Variants in PCDHA3 observed in about 807,000 individuals in gnomAD.
The protein encoded by PCDHA3 is protocadherin alpha-3.
PCDHA3 carries 41 observed loss-of-function variants against 62.2 expected under a neutral mutation model. The ratio of observed to expected loss-of-function variants is 0.66; its 90% CI spans 0.51 to 0.86. The LOEUF (loss-of-function observed/expected upper bound fraction) is 0.86. PCDHA3 is among the 40% of genes least tolerant of loss of function. The pLI is 0.00. For missense variants in PCDHA3, 1,304 were observed against 1,241.2 expected (o/e 1.05, Z -0.76); for synonymous variants, 640 against 555.4 (o/e 1.15, Z -2.14).
intron 1 of PCDHA3, chr5:140,849,616 T>G: frequency 6.3e-7 from 1 of 1,598,694 alleles, no homozygotes; most frequent in South Asian, 1.1e-5. Context: ...CTGATTAGTG[T>G]GATCGACCTA....
chr5:140,842,431 C>T (rs2150335989), intron 1 of PCDHA3: 4 of 1,613,646 alleles, frequency 2.5e-6, no homozygotes, highest in Non-Finnish European at 3.4e-6. Context: ...CTGTCATCGC[C>T]CTAATTAGCG....
At chr5:140,966,654 T>G (rs1048894569) in intron 1 of PCDHA3, 2 of 1,185,100 alleles carry the variant, frequency 1.7e-6, no homozygotes, top group Non-Finnish European at 2.2e-6. Flanking sequence ...GCGTGAGCGG[T>G]GGGGGAGCAG....
intron 1 of PCDHA3, chr5:140,858,416 G>A (rs1301119075): frequency 6.4e-7 from 1 of 1,560,804 alleles, no homozygotes; most frequent in African/African-American, 1.4e-5. Context: ...TCAGTCTATT[G>A]GAGGGGACCA....
intron 1 of PCDHA3, chr5:140,842,623 G>A (rs1778148921): frequency 4.4e-6 from 7 of 1,579,148 alleles, no homozygotes; most frequent in Middle Eastern, 1.7e-4. Flanking sequence ...GCTCGCCTTC[G>A]CTGTGGGCCA....
At chr5:140,922,866 GA>G (rs557650266) in intron 1 of PCDHA3, among the ~76,000 whole-genome samples, 2 of 152,096 alleles carry the variant, frequency 1.3e-5, no homozygotes, top group Non-Finnish European at 2.9e-5. Flanking sequence ...TAGACAAGGG[GA>G]AAAAATCCAA....
chr5:140,898,593 C>A (rs1236439193), intron 1 of PCDHA3, among the ~76,000 whole-genome samples: 13 of 152,146 alleles, frequency 8.5e-5, no homozygotes, highest in Admixed American at 1.3e-4. Flanking sequence ...GTTACTGTAG[C>A]CTTGTAGTAT....
intron 1 of PCDHA3, chr5:140,854,190 A>T: frequency 1.5e-6 from 1 of 648,854 alleles, no homozygotes; most frequent in Non-Finnish European, 1.9e-6. Flanking sequence ...TAGTTTAACT[A>T]CTCCCTACTT....
chr5:140,880,851 A>T lies in PCDHA3; in HGVS notation c.2394+77260A>T, dbSNP rs577713176. 2.0e-5 allele frequency among the ~76,000 whole-genome samples: 3 copies of T among 152,322 alleles called. No individual in the cohort carries two copies. In the South Asian group the frequency reaches 6.2e-4, roughly 32 times the overall value. On this transcript the variant is annotated intron_variant, in intron 1 of 3. Coordinates refer to ENST00000522353, the MANE Select transcript of PCDHA3 (RefSeq NM_018906.3). The stretch of plus-strand genomic sequence containing the variant: ...GCATATTTTAAATGGTTGACTATGT[A>T]GTCTAATTATGTGAAGAGGTAAATA...
At chr5:140,967,547 A>T in intron 1 of PCDHA3, 1 of 1,613,890 alleles carries the variant, frequency 6.2e-7, no homozygotes, top group Non-Finnish European at 8.5e-7. Flanking sequence ...TGACCAGTCC[A>T]CTTATCGCGT....
chr5:141,002,039 C>G (rs1198304632), intron 3 of PCDHA3, among the ~76,000 whole-genome samples: 1 of 152,216 alleles, frequency 6.6e-6, no homozygotes, highest in Non-Finnish European at 1.5e-5. Flanking sequence ...TGACTCTTTC[C>G]TGGGCATCCA....
chr5:140,829,347 CG>C (rs2150166374), intron 1 of PCDHA3: 1 of 1,614,114 alleles, frequency 6.2e-7, no homozygotes, highest in Non-Finnish European at 8.5e-7. Context: ...GAGAGCGTGT[CG>C]GCCTATGAGT....
At chr5:140,969,260 C>G (rs782595245) in intron 1 of PCDHA3, 1 of 1,614,228 alleles carries the variant, frequency 6.2e-7, no homozygotes, top group South Asian at 1.1e-5. Context: ...CAGCAGGAAT[C>G]TCACAGGCCA....
Position 141,011,614 on chromosome 5 carries a change from T to C in PCDHA3, c.*1677T>C, listed in dbSNP as rs1268321894. On this transcript the variant is annotated 3_prime_UTR_variant, in exon 4 of 4. Transcript: ENST00000522353. ...GTGATTCAAGGAATTTTATTTATGG[T>C]CCAGCCAAGAGCCATCTCGTGCCAA... 5 of 153,774 alleles carry C rather than the reference T, an allele frequency of 3.3e-5. No individual in the cohort carries two copies. Among genetic ancestry groups the C allele is most frequent in the African/African-American group, 1.2e-4 (5 of 41,460 alleles). 9.5% of individuals were successfully genotyped at this position (153,774 alleles called of 1,614,324 possible). A position where few individuals can be genotyped will look rare whatever the true frequency, so the allele number is the denominator to read the frequency against.
In PCDHA3 at chr5:140,802,323, G is replaced by T. The variant is rs1459793883; in HGVS notation, c.1126G>T (p.Asp376Tyr). Residue 376 changes from aspartate (D) to tyrosine (Y), a missense_variant, in exon 1 of 4, where the codon GAC becomes TAC. Physicochemically the swap from Asp to Tyr is radical, Grantham distance 160. Coordinates refer to ENST00000522353, the MANE Select transcript of PCDHA3 (RefSeq NM_018906.3). ...STVIALISVSDRDSGVNGQVT... is the reference protein window; with the variant it reads ...STVIALISVSYRDSGVNGQVT... ...AGTCATCGCTCTGATCAGCGTGTCC[G>T]ACCGCGACTCAGGAGTCAATGGACA... The T allele has an allele frequency of 6.2e-7, 1 of 1,614,220 alleles. No individual in the cohort carries two copies. Among genetic ancestry groups the T allele is most frequent in the Non-Finnish European group, 8.5e-7 (1 of 1,180,046 alleles).
chr5:140,868,121 C>T (rs920378220), intron 1 of PCDHA3: 1 of 151,814 alleles, frequency 6.6e-6, no homozygotes, highest in Non-Finnish European at 1.5e-5. Flanking sequence ...AGTTGAAAAG[C>T]CTATTTCTGT....
At chr5:140,859,390 C>G (rs911308831) in intron 1 of PCDHA3, 1 of 268,000 alleles carries the variant, frequency 3.7e-6, no homozygotes, top group Non-Finnish European at 6.7e-6. Flanking sequence ...CTCTAGTCAT[C>G]TTAAACAGGG....
intron 1 of PCDHA3, chr5:140,928,543 A>G: frequency 6.2e-7 from 1 of 1,614,204 alleles, no homozygotes; most frequent in Non-Finnish European, 8.5e-7. Context: ...TAGGAATGAC[A>G]ATTATCCGGT....
intron 1 of PCDHA3, among the ~76,000 whole-genome samples, chr5:140,924,668 G>T (rs2081943079): frequency 6.6e-6 from 1 of 152,142 alleles, no homozygotes; most frequent in Non-Finnish European, 1.5e-5. Context: ...GCCGAGGCAG[G>T]CCAATCACTT....
At chr5:140,841,903 C>A in intron 1 of PCDHA3, 5 of 1,613,800 alleles carry the variant, frequency 3.1e-6, no homozygotes, top group Non-Finnish European at 4.2e-6. Flanking sequence ...TGGTTGAGCT[C>A]GTATTAAGAA....
Sources: allele counts gnomAD v4.1 joint callset (sites outside exome capture counted in the v4.1 genomes callset), GRCh38; gene constraint gnomAD v4.1.1; transcripts MANE v1.5; gene names NCBI Gene and HGNC (gene_info 2026-07-23, HGNC 2026-07-21).